ACTR3C: variants seen among roughly 807,000 people sequenced by gnomAD.
ACTR3C encodes actin-related protein 3C.
In ACTR3C, 18 loss-of-function variants were observed where a neutral mutation model predicts 26.3. The ratio of observed to expected loss-of-function variants is 0.68; its 90% CI spans 0.47 to 1.01. The LOEUF is 1.01. Ranked by LOEUF, ACTR3C falls within the 50% of genes least tolerant of loss-of-function variation. The probability of loss-of-function intolerance (pLI) is 0.00; values close to 1 mark genes in which losing one functional copy is unlikely to be tolerated. For missense variants in ACTR3C, 184 were observed against 250.7 expected (o/e 0.73, Z 1.80); for synonymous variants, 55 against 94.5 (o/e 0.58, Z 2.42).
At chr7:149,918,559 G>A in the ACTR3C span, among the ~76,000 whole-genome samples, 4 of 152,106 alleles carry the variant, frequency 2.6e-5, no homozygotes, top group African/African-American at 4.8e-5. Flanking sequence ...GTGCGGTGGC[G>A]CATGCCTGTA....
chr7:149,985,471 ATTTG>A, the ACTR3C span, among the ~76,000 whole-genome samples: 16 of 152,114 alleles, frequency 1.1e-4, no homozygotes, highest in Non-Finnish European at 1.6e-4. Context: ...GGGTTTTCTC[ATTTG>A]TTTCTCAAAA....
chr7:149,976,081 C>G, the ACTR3C span, among the ~76,000 whole-genome samples: 1 of 152,220 alleles, frequency 6.6e-6, no homozygotes, highest in Non-Finnish European at 1.5e-5. Context: ...TTTCCTTCAA[C>G]TTTGCATGAA....
the ACTR3C span, among the ~76,000 whole-genome samples, chr7:149,978,089 T>C: frequency 6.6e-6 from 1 of 151,762 alleles, no homozygotes; most frequent in South Asian, 2.1e-4. Context: ...GGGTTGCCTG[T>C]GTGGAAGAGT....
chr7:149,982,781 T>C, the ACTR3C span, among the ~76,000 whole-genome samples: 2 of 152,154 alleles, frequency 1.3e-5, no homozygotes, highest in African/African-American at 4.8e-5. Context: ...AAATATTCTG[T>C]GAAGATAAGA....
chr7:150,016,361 T>G, the ACTR3C span, among the ~76,000 whole-genome samples: 1 of 152,062 alleles, frequency 6.6e-6, no homozygotes, highest in African/African-American at 2.4e-5. Context: ...CTTCAGCTGT[T>G]TTACATAAAG....
chr7:150,134,248 AG>A, the ACTR3C span, among the ~76,000 whole-genome samples: 7 of 149,828 alleles, frequency 4.7e-5, no homozygotes, highest in African/African-American at 1.7e-4. Context: ...AAAAAAAAAA[AG>A]CCAACACAGG....
the ACTR3C span, among the ~76,000 whole-genome samples, chr7:150,051,153 C>T: frequency 0.088 from 10,582 of 119,616 alleles, 2 homozygotes; most frequent in South Asian, 0.11. Flanking sequence ...TGTGCATGCA[C>T]GTTTATGCAC....
At chr7:150,198,738 G>A in the ACTR3C span, among the ~76,000 whole-genome samples, 12 of 144,864 alleles carry the variant, frequency 8.3e-5, no homozygotes, top group Middle Eastern at 3.6e-3. Context: ...CAGCCACCCC[G>A]TCCGGGAGGG....
At chr7:149,899,965 CA>C in the ACTR3C span, among the ~76,000 whole-genome samples, 10 of 137,900 alleles carry the variant, frequency 7.3e-5, no homozygotes, top group African/African-American at 2.4e-4. Context: ...ACACACACAC[CA>C]AAAAAAAAGG....
chr7:149,932,792 T>C, the ACTR3C span, among the ~76,000 whole-genome samples: 7 of 150,132 alleles, frequency 4.7e-5, no homozygotes, highest in Admixed American at 2.0e-4. Flanking sequence ...TAGACCATAG[T>C]CAGAACAACC....
At chr7:150,178,444 G>T in the ACTR3C span, among the ~76,000 whole-genome samples, 1 of 150,048 alleles carries the variant, frequency 6.7e-6, no homozygotes, top group Non-Finnish European at 1.5e-5. Context: ...CACCATGCCC[G>T]GCTAATGTTT....
the ACTR3C span, among the ~76,000 whole-genome samples, chr7:150,169,110 G>T: frequency 1.3e-5 from 2 of 150,388 alleles, no homozygotes; most frequent in Admixed American, 1.3e-4. Flanking sequence ...GGCTGGGCAC[G>T]GTGGCTCACA....
chr7:149,994,818 C>G, the ACTR3C span, among the ~76,000 whole-genome samples: 1 of 148,526 alleles, frequency 6.7e-6, no homozygotes, highest in Admixed American at 6.7e-5. Flanking sequence ...GTGAGTAAGA[C>G]AGTAGGAGCA....
intron 1 of ACTR3C, among the ~76,000 whole-genome samples, chr7:150,321,643 G>A (rs1218515011): frequency 6.6e-6 from 1 of 152,186 alleles, no homozygotes; most frequent in African/African-American, 2.4e-5. Flanking sequence ...GGGAGACTGA[G>A]GCAGGAGAAT....
intron 6 of ACTR3C, among the ~76,000 whole-genome samples, chr7:150,277,562 A>G (rs1834979514): frequency 6.6e-6 from 1 of 152,036 alleles, no homozygotes; most frequent in Non-Finnish European, 1.5e-5. Context: ...CCTCCAACCT[A>G]CAAATGCAAC....
At chr7:150,081,302 G>C in the ACTR3C span, among the ~76,000 whole-genome samples, 1 of 150,818 alleles carries the variant, frequency 6.6e-6, no homozygotes, top group Non-Finnish European at 1.5e-5. Context: ...GAAATAGAAA[G>C]AGAAGAGAGA....
downstream of ACTR3C, among the ~76,000 whole-genome samples, chr7:150,243,743 GGATT>G (rs1013155677): frequency 9.2e-5 from 14 of 152,036 alleles, no homozygotes; most frequent in African/African-American, 3.4e-4. Flanking sequence ...TTGTTATGCC[GGATT>G]GTTTAGGGAA....
At chr7:149,900,487 A>G in the ACTR3C span, among the ~76,000 whole-genome samples, 1 of 151,908 alleles carries the variant, frequency 6.6e-6, no homozygotes, top group Non-Finnish European at 1.5e-5. Context: ...TGTTTCTTTA[A>G]TTAAGAATAA....
At chr7:150,176,733 T>G in the ACTR3C span, among the ~76,000 whole-genome samples, 1 of 150,928 alleles carries the variant, frequency 6.6e-6, no homozygotes, top group African/African-American at 2.5e-5. Flanking sequence ...TTATGAAGTC[T>G]TCTCTTAGGA....
Sources: gnomAD v4.1 joint callset for allele counts (sites outside exome capture counted in the v4.1 genomes callset) on GRCh38, gnomAD v4.1.1 for gene constraint, MANE v1.5 for transcripts, NCBI Gene and HGNC (gene_info 2026-07-23, HGNC 2026-07-21) for gene names.